Variants in CACNB2 observed in about 807,000 individuals in gnomAD.
CACNB2 encodes voltage-dependent L-type calcium channel subunit beta-2.
A neutral mutation model predicts 73.3 loss-of-function variants in CACNB2; 42 were observed. The observed-to-expected ratio is 0.57, with a 90% CI of 0.45 to 0.74. The LOEUF (loss-of-function observed/expected upper bound fraction) is 0.74, where lower values mean the gene tolerates loss of function less well. CACNB2 is among the 30% of genes least tolerant of loss of function. The probability of loss-of-function intolerance (pLI) is 0.00; values close to 1 mark genes in which losing one functional copy is unlikely to be tolerated. For synonymous variants in CACNB2, 348 were observed against 310.3 expected, an observed-to-expected ratio of 1.12 and a Z score of -1.28; for missense variants, 940 against 853.0, an observed-to-expected ratio of 1.10 and a Z score of -1.27.
chr10:18,345,330 G>C (rs936427948), intron 2 of CACNB2, among the ~76,000 whole-genome samples: 1 of 152,080 alleles, frequency 6.6e-6, no homozygotes, highest in Non-Finnish European at 1.5e-5. Context: ...GCAGTATTAT[G>C]TATTAATGAT....
intron 2 of CACNB2, among the ~76,000 whole-genome samples, chr10:18,384,674 G>A (rs1410899848): frequency 2.6e-5 from 4 of 151,816 alleles, no homozygotes; most frequent in African/African-American, 7.3e-5. Flanking sequence ...AGGTTGCAGC[G>A]AGCTGAGATA....
In CACNB2 at chr10:18,295,908, C is replaced by G. The variant is rs75863847; in HGVS notation, c.214-106016C>G. ...GAAAAGGAAAGGGTTCTGCCAGGGA[C>G]AGAAGTCCATCACCTTTCCTTGGTC... is the stretch of plus-strand genomic sequence containing the variant. On this transcript the variant is annotated intron_variant, in intron 2 of 13. Transcript: ENST00000324631. Among the ~76,000 whole-genome samples the G allele has an allele frequency of 1.3e-3, 198 of 151,188 alleles. 2 individuals are homozygous for G. The East Asian group carries it at 0.032, about 24-fold the overall frequency.
At chr10:18,482,385 A>T (rs7069894) in intron 3 of CACNB2, among the ~76,000 whole-genome samples, 70,407 of 151,538 alleles carry the variant, frequency 0.46, 16,390 homozygotes, top group South Asian at 0.54. Flanking sequence ...AGTTCAGATT[A>T]CTACCCAAGG....
chr10:18,140,780 C>CGGCGGT lies in CACNB2; in HGVS notation c.49_54dup (p.Val17_Ala18dup). On this transcript the variant is annotated inframe_insertion, in exon 1 of 14. Coordinates refer to ENST00000324631, the MANE Select transcript of CACNB2 (RefSeq NM_201596.3). ...TCCAAGTCGCCTCCCACAGCGGCGG[C>CGGCGGT]GGCGGTGGCGCAGGAGATCCAGATG... 6.3e-7 allele frequency: 1 copy of CGGCGGT among 1,598,360 alleles called. No individual in the cohort carries two copies. Among genetic ancestry groups the CGGCGGT allele is most frequent in the Non-Finnish European group, 8.5e-7 (1 of 1,174,162 alleles).
At chr10:18,514,432 T>A (rs1265693167) in intron 7 of CACNB2, 63 bp downstream of exon 7, 1 of 1,613,788 alleles carries the variant, frequency 6.2e-7, no homozygotes, top group Non-Finnish European at 8.5e-7. Flanking sequence ...ACATTTCTAG[T>A]CCTGTTGACT....
intron 6 of CACNB2, among the ~76,000 whole-genome samples, chr10:18,512,716 C>T (rs1250088983): frequency 6.6e-6 from 1 of 152,138 alleles, no homozygotes; most frequent in Non-Finnish European, 1.5e-5. Flanking sequence ...GCATAAAACT[C>T]CATGCTTTGG....
chr10:18,214,531 G>A (rs1334828016), intron 2 of CACNB2, among the ~76,000 whole-genome samples: 3 of 67,594 alleles, frequency 4.4e-5, no homozygotes, highest in African/African-American at 1.0e-4. Context: ...GGTGGCTGAG[G>A]CAGGAGAATC....
chr10:18,312,169 C>A (rs1381039231), intron 2 of CACNB2, among the ~76,000 whole-genome samples: 2 of 152,026 alleles, frequency 1.3e-5, no homozygotes, highest in Non-Finnish European at 2.9e-5. Context: ...AAATTTAAGA[C>A]CTTCTAAATG....
chr10:18,389,026 A>G (rs1013096055), intron 2 of CACNB2, among the ~76,000 whole-genome samples: 3 of 152,256 alleles, frequency 2.0e-5, no homozygotes, highest in Non-Finnish European at 2.9e-5. Flanking sequence ...AGAAATTTCA[A>G]TTGCAATAGG....
intron 3 of CACNB2, among the ~76,000 whole-genome samples, chr10:18,496,801 C>T (rs1344526135): frequency 5.9e-5 from 5 of 84,980 alleles, no homozygotes; most frequent in South Asian, 6.6e-4. Flanking sequence ...GCAACAAGAG[C>T]GAAACTCCGC....
chr10:18,402,770 A>C (rs2044074996), intron 3 of CACNB2, among the ~76,000 whole-genome samples: 1 of 152,194 alleles, frequency 6.6e-6, no homozygotes, highest in Non-Finnish European at 1.5e-5. Context: ...GTTCGAGTTG[A>C]AGGTGGCTTG....
At chr10:18,310,605 C>CAAAAAA (rs1157466238) in intron 2 of CACNB2, among the ~76,000 whole-genome samples, 4 of 36,836 alleles carry the variant, frequency 1.1e-4, no homozygotes, top group Admixed American at 3.7e-4. Flanking sequence ...AACTCCATCT[C>CAAAAAA]AAAAAAAAAA....
intron 2 of CACNB2, among the ~76,000 whole-genome samples, chr10:18,280,414 A>T (rs2038491401): frequency 6.6e-6 from 1 of 152,150 alleles, no homozygotes; most frequent in African/African-American, 2.4e-5. Flanking sequence ...CCGAGCCAAG[A>T]TTTGAACACG....
chr10:18,376,258 A>G (rs57494713), intron 2 of CACNB2, among the ~76,000 whole-genome samples: 23,348 of 152,248 alleles, frequency 0.15, 2,026 homozygotes, highest in East Asian at 0.25. Context: ...CAAATTTCTC[A>G]TGTTCTAGCT....
intron 2 of CACNB2, among the ~76,000 whole-genome samples, chr10:18,195,543 T>A (rs1300674435): frequency 6.6e-6 from 1 of 152,186 alleles, no homozygotes; most frequent in Non-Finnish European, 1.5e-5. Flanking sequence ...ATAAATGCAT[T>A]CCACTCATCA....
chr10:18,480,326 A>T (rs938369412), intron 3 of CACNB2, among the ~76,000 whole-genome samples: 1 of 152,042 alleles, frequency 6.6e-6, no homozygotes, highest in Admixed American at 6.6e-5. Flanking sequence ...TTGGTTGTCA[A>T]CCTGGTTACT....
chr10:18,520,697 G>T (rs140978121), intron 9 of CACNB2, among the ~76,000 whole-genome samples: 5 of 151,944 alleles, frequency 3.3e-5, no homozygotes, highest in Admixed American at 1.3e-4. Flanking sequence ...CTCTTCCCTC[G>T]CTCATTCTCA....
rs1554843690 is a variant in CACNB2 at position 18,540,345 on chromosome 10, T to TATCA, written c.*622_*625dup. On this transcript the variant is annotated 3_prime_UTR_variant, in exon 14 of 14. Transcript: ENST00000324631. ...TTATTATATATATAATATATATATA[T>TATCA]ATCAGTTTGATCACACTATTTTAGA... The TATCA allele has an allele frequency of 6.5e-3, 986 of 151,822 alleles. 6 individuals are homozygous for TATCA. Among genetic ancestry groups the TATCA allele is most frequent in the Non-Finnish European group, 9.1e-3 (617 of 67,904 alleles). The allele number at this position is 151,822 out of a possible 1,614,324, so 9.4% of individuals were successfully genotyped here. A position where few individuals can be genotyped will look rare whatever the true frequency, so the allele number is the denominator to read the frequency against.
At chr10:18,142,733 A>C (rs2030549503) in intron 1 of CACNB2, among the ~76,000 whole-genome samples, 1 of 152,262 alleles carries the variant, frequency 6.6e-6, no homozygotes, top group African/African-American at 2.4e-5. Context: ...GATTAAATGT[A>C]AGTCAAGTTA....
Sources: gnomAD v4.1 joint callset for allele counts (sites outside exome capture counted in the v4.1 genomes callset) on GRCh38, gnomAD v4.1.1 for gene constraint, MANE v1.5 for transcripts, NCBI Gene and HGNC (gene_info 2026-07-23, HGNC 2026-07-21) for gene names.